Variants in CDH13 observed in about 807,000 individuals in gnomAD.
CDH13 encodes cadherin 13.
In CDH13, 24 loss-of-function variants were observed where a neutral mutation model predicts 63.8. The observed-to-expected ratio is 0.38, with a 90% CI of 0.27 to 0.53. The LOEUF (loss-of-function observed/expected upper bound fraction) is 0.53, where lower values mean the gene tolerates loss of function less well. Ranked by LOEUF, CDH13 falls within the 20% of genes least tolerant of loss-of-function variation. The pLI is 0.85. For missense variants in CDH13, 1,049 were observed against 903.1 expected (o/e 1.16, Z -2.07); for synonymous variants, 503 against 355.3 (o/e 1.42, Z -4.67).
intron 10 of CDH13, among the ~76,000 whole-genome samples, chr16:83,707,123 A>G (rs1292130748): frequency 6.6e-6 from 1 of 152,200 alleles, no homozygotes; most frequent in Non-Finnish European, 1.5e-5. Context: ...ATATGGGTGT[A>G]CTGTTCCCGC....
chr16:83,560,102 A>T (rs2075677306), intron 7 of CDH13, among the ~76,000 whole-genome samples: 1 of 152,128 alleles, frequency 6.6e-6, no homozygotes, highest in Non-Finnish European at 1.5e-5. Flanking sequence ...TCTTTATGTG[A>T]TGAATACGTA....
chr16:83,772,433 A>G (rs1157810970), intron 11 of CDH13, among the ~76,000 whole-genome samples: 2 of 152,238 alleles, frequency 1.3e-5, no homozygotes, highest in East Asian at 3.9e-4. Context: ...AACACGATAA[A>G]TTAGCAGACC....
chr16:82,855,577 C>G (rs2039650242), intron 1 of CDH13, among the ~76,000 whole-genome samples: 1 of 152,194 alleles, frequency 6.6e-6, no homozygotes, highest in Non-Finnish European at 1.5e-5. Flanking sequence ...TTTCTGACTC[C>G]TGGATCTGCA....
At chr16:82,798,644 A>G (rs2036702854) in intron 1 of CDH13, among the ~76,000 whole-genome samples, 1 of 152,120 alleles carries the variant, frequency 6.6e-6, no homozygotes, top group South Asian at 2.1e-4. Context: ...GGTTACAAGC[A>G]CAAATGTCCA....
At chr16:83,086,082 C>A (rs1567815714) in intron 3 of CDH13, among the ~76,000 whole-genome samples, 1 of 152,152 alleles carries the variant, frequency 6.6e-6, no homozygotes, top group Non-Finnish European at 1.5e-5. Context: ...TTTGCATGTA[C>A]CCCATGATGA....
At chr16:83,272,576 C>T (rs2088858397) in intron 5 of CDH13, among the ~76,000 whole-genome samples, 1 of 152,170 alleles carries the variant, frequency 6.6e-6, no homozygotes, top group Admixed American at 6.5e-5. Flanking sequence ...CGGGGCTCAT[C>T]AAATTTTTTC....
intron 6 of CDH13, among the ~76,000 whole-genome samples, chr16:83,439,564 C>T (rs2151493285): frequency 6.6e-6 from 1 of 152,278 alleles, no homozygotes; most frequent in Middle Eastern, 3.4e-3. Flanking sequence ...GTAGGACAGC[C>T]TAGGGTGAGG....
chr16:82,640,254 G>A (rs951237298), intron 1 of CDH13, among the ~76,000 whole-genome samples: 1 of 152,218 alleles, frequency 6.6e-6, no homozygotes, highest in Non-Finnish European at 1.5e-5. Flanking sequence ...ATAGCATAGA[G>A]ATGAAATGTG....
At chr16:83,406,500 A>G (rs898697044) in intron 6 of CDH13, among the ~76,000 whole-genome samples, 1 of 144,930 alleles carries the variant, frequency 6.9e-6, no homozygotes, top group African/African-American at 2.6e-5. Flanking sequence ...GTCTTGCTTC[A>G]TCGCCCAGGC....
intron 5 of CDH13, among the ~76,000 whole-genome samples, chr16:83,236,254 C>CACACACAG (rs2040140146): frequency 6.6e-6 from 1 of 151,784 alleles, no homozygotes; most frequent in Non-Finnish European, 1.5e-5. Context: ...CACACACACA[C>CACACACAG]ACACACACAT....
chr16:83,484,558 T>G (rs1376391474), intron 6 of CDH13, among the ~76,000 whole-genome samples: 1 of 152,218 alleles, frequency 6.6e-6, no homozygotes, highest in Non-Finnish European at 1.5e-5. Flanking sequence ...CTTTGTAAAT[T>G]AAATTTTAAT....
chr16:83,029,379 AT>A (rs1916098935), intron 2 of CDH13, among the ~76,000 whole-genome samples: 1 of 152,202 alleles, frequency 6.6e-6, no homozygotes, highest in Non-Finnish European at 1.5e-5. Flanking sequence ...TAGCAACAAT[AT>A]TTGGAGCCCC....
At chr16:83,459,060 A>G (rs1399475930) in intron 6 of CDH13, among the ~76,000 whole-genome samples, 1 of 152,244 alleles carries the variant, frequency 6.6e-6, no homozygotes, top group African/African-American at 2.4e-5. Flanking sequence ...TGACTAATCT[A>G]AGAACCAAGA....
At chr16:82,729,372 A>T (rs986863859) in intron 1 of CDH13, among the ~76,000 whole-genome samples, 2 of 152,188 alleles carry the variant, frequency 1.3e-5, no homozygotes, top group African/African-American at 4.8e-5. Context: ...TTCTAGATCC[A>T]TGGGCTGCGC....
At chr16:83,057,974 AAAAAT>A (rs570121732) in intron 3 of CDH13, among the ~76,000 whole-genome samples, 28 of 152,364 alleles carry the variant, frequency 1.8e-4, no homozygotes, top group Middle Eastern at 3.4e-3. Flanking sequence ...TATTTTTTAA[AAAAAT>A]AAAATAAAAC....
chr16:83,091,236 C>T (rs1418196951), intron 3 of CDH13, among the ~76,000 whole-genome samples: 2 of 151,286 alleles, frequency 1.3e-5, no homozygotes, highest in Admixed American at 6.6e-5. Flanking sequence ...TTTGCTTTTC[C>T]CCCTACTCCC....
rs113419683 is a variant in CDH13 at position 83,507,612 on chromosome 16, C to A, written c.960+20957C>A. On this transcript the variant is annotated intron_variant, in intron 7 of 13. Coordinates refer to ENST00000567109, the MANE Select transcript of CDH13 (RefSeq NM_001257.5). ...CTTAACTGAGCTAGACTGTTAATAT[C>A]TAATGCTAGCCTTCCTGTGGGCATA... Among the ~76,000 whole-genome samples, 857 of 152,340 alleles carry A rather than the reference C, an allele frequency of 5.6e-3. 8 individuals carry two copies. The highest frequency in any genetic ancestry group is 0.019 in the African/African-American group (805 of 41,578).
At chr16:83,102,924 CTTTTTCTTTTTTT>C (rs2034559376) in intron 3 of CDH13, among the ~76,000 whole-genome samples, 1 of 58,440 alleles carries the variant, frequency 1.7e-5, no homozygotes, top group Non-Finnish European at 3.4e-5. Context: ...TTTTTTTTTT[CTTTTTCTTTTTTT>C]TTTTCTTTTT....
At chr16:83,649,730 G>C (rs1323214494) in intron 8 of CDH13, among the ~76,000 whole-genome samples, 2 of 152,070 alleles carry the variant, frequency 1.3e-5, no homozygotes, top group East Asian at 1.9e-4. Context: ...TGAACACGGA[G>C]GGCACCTGCC....
Sources: gnomAD v4.1 joint callset for allele counts (sites outside exome capture counted in the v4.1 genomes callset) on GRCh38, gnomAD v4.1.1 for gene constraint, MANE v1.5 for transcripts, NCBI Gene and HGNC (gene_info 2026-07-23, HGNC 2026-07-21) for gene names.